PDE8A: variants seen among roughly 807,000 people sequenced by gnomAD.
The protein encoded by PDE8A is high affinity cAMP-specific and IBMX-insensitive 3',5'-cyclic phosphodiesterase 8A.
A neutral mutation model predicts 105.0 loss-of-function variants in PDE8A; 59 were observed. That is an observed-to-expected ratio of 0.56 (90% CI 0.46 to 0.70). PDE8A has a LOEUF of 0.70. Ranked by LOEUF, PDE8A falls within the 30% of genes least tolerant of loss-of-function variation. The pLI is 0.00. For synonymous variants in PDE8A, 355 were observed against 371.9 expected (o/e 0.95, Z 0.52); for missense variants, 1,014 against 1,045.9 (o/e 0.97, Z 0.42).
At chr15:85,046,785 A>T (rs2080894685) in intron 1 of PDE8A, among the ~76,000 whole-genome samples, 1 of 152,210 alleles carries the variant, frequency 6.6e-6, no homozygotes, top group Non-Finnish European at 1.5e-5. Context: ...ACCCACCCCT[A>T]ATCAAGATTT....
intron 1 of PDE8A, among the ~76,000 whole-genome samples, chr15:84,994,243 T>C (rs1269082092): frequency 6.6e-6 from 1 of 152,260 alleles, no homozygotes. Flanking sequence ...TCATGTTTTA[T>C]GGTTGCAGCA....
At chr15:85,049,316 A>G (rs1172166862) in intron 1 of PDE8A, among the ~76,000 whole-genome samples, 2 of 152,166 alleles carry the variant, frequency 1.3e-5, no homozygotes, top group Non-Finnish European at 2.9e-5. Flanking sequence ...TTGTAAAACT[A>G]AAACAATATA....
chr15:85,051,998 G>C (rs1444896800), intron 1 of PDE8A, among the ~76,000 whole-genome samples: 1 of 150,226 alleles, frequency 6.7e-6, no homozygotes, highest in African/African-American at 2.5e-5. Context: ...GCAGGCCCCG[G>C]TGTGTGATGT....
chr15:84,997,843 C>G (rs1474950714), intron 1 of PDE8A, among the ~76,000 whole-genome samples: 2 of 152,188 alleles, frequency 1.3e-5, no homozygotes, highest in Non-Finnish European at 2.9e-5. Context: ...GATCTGCCTG[C>G]CTCGGCCTCC....
chr15:84,989,564 G>A (rs2142148437), intron 1 of PDE8A, among the ~76,000 whole-genome samples: 2 of 152,324 alleles, frequency 1.3e-5, no homozygotes, highest in Non-Finnish European at 2.9e-5. Flanking sequence ...CAGAAGATGT[G>A]TGTTTTGGGT....
intron 8 of PDE8A, among the ~76,000 whole-genome samples, chr15:85,095,687 G>A (rs955715129): frequency 4.6e-5 from 7 of 151,566 alleles, no homozygotes; most frequent in African/African-American, 1.7e-4. Context: ...AATATTTTTT[G>A]TTTCCTCTGG....
intron 1 of PDE8A, among the ~76,000 whole-genome samples, chr15:85,017,694 C>G (rs1169085749): frequency 6.6e-6 from 1 of 151,984 alleles, no homozygotes; most frequent in African/African-American, 2.4e-5. Flanking sequence ...CAAGACCAGC[C>G]TGGCCAACAT....
chr15:85,050,232 G>T (rs1040175517), intron 1 of PDE8A, among the ~76,000 whole-genome samples: 5 of 152,136 alleles, frequency 3.3e-5, no homozygotes, highest in Non-Finnish European at 7.4e-5. Context: ...TCAGATATAT[G>T]ATTGGCAATT....
intron 1 of PDE8A, among the ~76,000 whole-genome samples, chr15:85,039,632 GTGT>G (rs1449209027): frequency 2.0e-5 from 3 of 152,188 alleles, no homozygotes; most frequent in Non-Finnish European, 4.4e-5. Context: ...TGAAGTCAGT[GTGT>G]TGAAGAGATG....
At chr15:85,009,964 A>G (rs1222793841) in intron 1 of PDE8A, among the ~76,000 whole-genome samples, 2 of 152,240 alleles carry the variant, frequency 1.3e-5, no homozygotes, top group Non-Finnish European at 2.9e-5. Context: ...TCATTGCTAC[A>G]TGCAACACCA....
chr15:85,064,696 A>G (rs561693543), intron 2 of PDE8A, among the ~76,000 whole-genome samples: 49 of 152,246 alleles, frequency 3.2e-4, no homozygotes, highest in African/African-American at 1.2e-3. Context: ...GCTCATGCCT[A>G]TAATCCCAGC....
chr15:85,091,810 C>T (rs575811462), intron 8 of PDE8A, among the ~76,000 whole-genome samples: 11 of 151,020 alleles, frequency 7.3e-5, no homozygotes, highest in Admixed American at 1.3e-4. Context: ...ACCACAGCCT[C>T]TGATAGTGCC....
At chr15:84,986,734 C>G (rs973634165) in intron 1 of PDE8A, among the ~76,000 whole-genome samples, 2 of 152,054 alleles carry the variant, frequency 1.3e-5, no homozygotes, top group Non-Finnish European at 2.9e-5. Flanking sequence ...ACCTCAGCCT[C>G]CCAAGTAACT....
chr15:85,099,922 A>G, intron 9 of PDE8A, 93 bp from the exon 10 acceptor site: 1 of 986,218 alleles, frequency 1.0e-6, no homozygotes, highest in Non-Finnish European at 1.6e-6. Flanking sequence ...TGTATTGCAA[A>G]AGGGAGGTGC....
At chr15:85,049,349 A>C (rs976088148) in intron 1 of PDE8A, among the ~76,000 whole-genome samples, 8 of 152,074 alleles carry the variant, frequency 5.3e-5, no homozygotes, top group African/African-American at 1.9e-4. Context: ...GAGCTTCCCC[A>C]TTCTTCCCTT....
chr15:85,113,415 C>T lies in PDE8A; in HGVS notation c.1153C>T (p.His385Tyr). 2 of 1,614,164 alleles carry T rather than the reference C, an allele frequency of 1.2e-6. No homozygotes were observed. Among genetic ancestry groups the T allele is most frequent in the Non-Finnish European group, 1.7e-6 (2 of 1,179,994 alleles). Residue 385 changes from histidine (H) to tyrosine (Y), a missense_variant, in exon 13 of 22, where the codon CAT becomes TAT. Physicochemically the swap from His to Tyr is moderately conservative, Grantham distance 83. Coordinates refer to ENST00000394553, the MANE Select transcript of PDE8A (RefSeq NM_002605.3). ...ACGACACTCTTCCATGGCCCGGATA[C>T]ATTCCATGACAATTGAGGCGCCCAT... ...QRRHSSMARI[H>Y]SMTIEAPITK...
Position 85,039,639 on chromosome 15 carries a change from A to G in PDE8A, c.187-24731A>G, listed in dbSNP as rs143182922. 3.9e-5 allele frequency among the ~76,000 whole-genome samples: 6 copies of G among 152,330 alleles called. No homozygotes were observed. The East Asian group carries it at 7.7e-4, about 20-fold the overall frequency. ...AAAGGAATTGAAGTCAGTGTGTTGA[A>G]GAGATGTCTGTCTGTACTCCTGTGT... On this transcript the variant is annotated intron_variant, in intron 1 of 21. Transcript: ENST00000394553.
intron 1 of PDE8A, among the ~76,000 whole-genome samples, chr15:85,027,842 C>T (rs2080544347): frequency 6.6e-6 from 1 of 152,070 alleles, no homozygotes; most frequent in South Asian, 2.1e-4. Context: ...TCCTTCCTGT[C>T]ATTTTTCTGA....
At chr15:85,131,763 A>G (rs759570464) in intron 20 of PDE8A, among the ~76,000 whole-genome samples, 1 of 151,988 alleles carries the variant, frequency 6.6e-6, no homozygotes, top group Non-Finnish European at 1.5e-5. Context: ...TTCCTTTAGC[A>G]TTTTTTGTAG....
Sources: gnomAD v4.1 joint callset for allele counts (sites outside exome capture counted in the v4.1 genomes callset) on GRCh38, gnomAD v4.1.1 for gene constraint, MANE v1.5 for transcripts, NCBI Gene and HGNC (gene_info 2026-07-23, HGNC 2026-07-21) for gene names.